The following PGBD5 variants were observed in gnomAD, a reference collection of about 807,000 sequenced individuals.
PGBD5 encodes piggyBac transposable element derived 5.
PGBD5 carries 14 observed loss-of-function variants against 47.9 expected under a neutral mutation model. That is an observed-to-expected ratio of 0.29 (90% CI 0.19 to 0.46). The LOEUF is 0.46. Ranked by LOEUF, PGBD5 falls within the 20% of genes least tolerant of loss-of-function variation. PGBD5 has a pLI of 1.00. For synonymous variants in PGBD5, 316 were observed against 306.3 expected, an observed-to-expected ratio of 1.03 and a Z score of -0.33; for missense variants, 635 against 716.0, an observed-to-expected ratio of 0.89 and a Z score of 1.29.
In PGBD5 at chr1:230,336,976, G is replaced by A. The variant is rs1033759191; in HGVS notation, c.1075+132C>T. 55 of 1,010,782 alleles carry A rather than the reference G, an allele frequency of 5.4e-5. No individual in the cohort carries two copies. In the Middle Eastern group the frequency reaches 7.3e-4, roughly 13 times the overall value. 62.6% of individuals were successfully genotyped at this position (1,010,782 alleles called of 1,614,324 possible). A position where few individuals can be genotyped will look rare whatever the true frequency, so the allele number is the denominator to read the frequency against. Reference sequence around the variant, plus strand: ...GGCTGAGACGCATCTGTTCCCTCAAGGAAGGGCCTCATCACCTGGCATCCT... The same window carrying A: ...GGCTGAGACGCATCTGTTCCCTCAAAGAAGGGCCTCATCACCTGGCATCCT... On this transcript the variant is annotated intron_variant, in intron 4 of 6. Coordinates refer to ENST00000391860, the MANE Select transcript of PGBD5 (RefSeq NM_001258311.2).
At chr1:230,399,802 T>C (rs270852) in intron 1 of PGBD5, among the ~76,000 whole-genome samples, 116,248 of 152,146 alleles carry the variant, frequency 0.76, 44,412 homozygotes, top group African/African-American at 0.78. Context: ...ATCCTTCCAA[T>C]ACTCAGTTCC....
chr1:230,332,709 G>A, intron 5 of PGBD5, 135 bp downstream of exon 5: 1 of 1,018,722 alleles, frequency 9.8e-7, no homozygotes, highest in Non-Finnish European at 1.5e-6. Flanking sequence ...CCAGATGCTG[G>A]GGAATAACCG....
At chr1:230,399,058 AG>A (rs34932608) in intron 1 of PGBD5, among the ~76,000 whole-genome samples, 3 of 151,538 alleles carry the variant, frequency 2.0e-5, no homozygotes, top group Admixed American at 6.6e-5. Flanking sequence ...CAGGTTACTA[AG>A]GGGGGGTGGC....
intron 2 of PGBD5, among the ~76,000 whole-genome samples, chr1:230,353,496 A>G (rs965298614): frequency 5.9e-5 from 9 of 152,208 alleles, no homozygotes; most frequent in Non-Finnish European, 1.2e-4. Flanking sequence ...CTCTAAGACC[A>G]AACTCGTACC....
Position 230,323,322 on chromosome 1 carries a change from A to G in PGBD5, c.*103T>C, listed in dbSNP as rs1489908708. On this transcript the variant is annotated 3_prime_UTR_variant, in exon 7 of 7. Transcript: ENST00000391860. This position sits in a 1 kb window ranked among gnomAD's most constrained non-coding sequence, Gnocchi z 4.1. The stretch of plus-strand genomic sequence containing the variant: ...CCCTGTGCATCCCTCCCAGGCAGCA[A>G]GCCACACACCAGGCCGTGTCCGGGT... The G allele has an allele frequency of 1.5e-6, 2 of 1,372,542 alleles. No homozygotes were observed. The highest frequency in any genetic ancestry group is 2.3e-5 in the East Asian group (1 of 42,606). 85.0% of individuals were successfully genotyped at this position (1,372,542 alleles called of 1,614,324 possible). A position where few individuals can be genotyped will look rare whatever the true frequency, so the allele number is the denominator to read the frequency against.
At chr1:230,418,576 C>T (rs933018101) in intron 1 of PGBD5, among the ~76,000 whole-genome samples, 1 of 152,146 alleles carries the variant, frequency 6.6e-6, no homozygotes, top group African/African-American at 2.4e-5. Flanking sequence ...GGTACAAACA[C>T]AGCTCACTGC....
At chr1:230,341,994 A>G (rs1375162200) in intron 3 of PGBD5, among the ~76,000 whole-genome samples, 1 of 152,136 alleles carries the variant, frequency 6.6e-6, no homozygotes, top group Non-Finnish European at 1.5e-5. Context: ...CATATTTTAT[A>G]CTGACATTAC....
chr1:230,404,639 T>C (rs1657253945), intron 1 of PGBD5, among the ~76,000 whole-genome samples: 1 of 144,100 alleles, frequency 6.9e-6, no homozygotes, highest in Non-Finnish European at 1.5e-5. Flanking sequence ...AATATATATA[T>C]ATATATATAT....
chr1:230,357,341 G>A lies in PGBD5; in HGVS notation c.332-20C>T. On this transcript the variant is annotated intron_variant, in intron 1 of 6. Transcript: ENST00000391860. The surrounding 1 kb of genome is among the most constrained non-coding windows in gnomAD (Gnocchi z 5.7). ...TGGGACCTGAAACCCAAAGACAGGT[G>A]GAGTGTTCCTTAGGACGGCCGCCAC... 6.2e-7 allele frequency: 1 copy of A among 1,608,150 alleles called. No homozygotes were observed. The highest frequency in any genetic ancestry group is 1.7e-5 in the Admixed American group (1 of 59,856).
chr1:230,366,604 T>A (rs1667837669), intron 1 of PGBD5, among the ~76,000 whole-genome samples: 1 of 152,206 alleles, frequency 6.6e-6, no homozygotes, highest in African/African-American at 2.4e-5. Context: ...ACTCCTGGAT[T>A]CATGAGATGT....
chr1:230,337,715 T>G (rs1262915865), intron 3 of PGBD5, among the ~76,000 whole-genome samples: 1 of 152,232 alleles, frequency 6.6e-6, no homozygotes, highest in African/African-American at 2.4e-5. Context: ...AATGACTGTT[T>G]AATTTGTTCT....
intron 1 of PGBD5, among the ~76,000 whole-genome samples, chr1:230,423,523 T>C (rs185799203): frequency 1.3e-5 from 2 of 152,314 alleles, no homozygotes; most frequent in East Asian, 3.9e-4. Context: ...TCCACACTGG[T>C]AGGCGCAAGG....
rs558615248 is a variant in PGBD5 at position 230,400,047 on chromosome 1, T to G, written c.331+25551A>C. Among the ~76,000 whole-genome samples the G allele has an allele frequency of 3.9e-5, 6 of 152,314 alleles. No homozygotes were observed. In the South Asian group the frequency reaches 1.2e-3, roughly 32 times the overall value. On this transcript the variant is annotated intron_variant, in intron 1 of 6. Coordinates refer to ENST00000391860, the MANE Select transcript of PGBD5 (RefSeq NM_001258311.2). ...AAAAATCCACCAAAGACTCCTCATCTCATTCAAAATGCAAGCCAAGTTCTT... is the reference window on the plus strand; with the variant it reads ...AAAAATCCACCAAAGACTCCTCATCGCATTCAAAATGCAAGCCAAGTTCTT...
intron 2 of PGBD5, among the ~76,000 whole-genome samples, chr1:230,352,924 G>A (rs538644388): frequency 1.5e-4 from 23 of 152,268 alleles, no homozygotes; most frequent in African/African-American, 5.1e-4. Flanking sequence ...TGAGGCCACA[G>A]CAAATGAAAA....
At chr1:230,412,153 C>T (rs1012064476) in intron 1 of PGBD5, among the ~76,000 whole-genome samples, 2 of 152,100 alleles carry the variant, frequency 1.3e-5, no homozygotes, top group African/African-American at 2.4e-5. Flanking sequence ...AAAAGGACTC[C>T]AGTCAAGAAC....
intron 1 of PGBD5, among the ~76,000 whole-genome samples, chr1:230,385,894 G>T (rs1656626314): frequency 6.6e-6 from 1 of 152,160 alleles, no homozygotes; most frequent in African/African-American, 2.4e-5. Context: ...TGCTGGACCT[G>T]CAGATTCCCA....
At chr1:230,400,056 A>C (rs1247223216) in intron 1 of PGBD5, among the ~76,000 whole-genome samples, 1 of 152,160 alleles carries the variant, frequency 6.6e-6, no homozygotes, top group Non-Finnish European at 1.5e-5. Flanking sequence ...CTCATTCAAA[A>C]TGCAAGCCAA....
At position 230,314,548 on chromosome 1, in the gene PGBD5, T is replaced by C. The variant is rs1558185918; in HGVS notation, c.*8877A>G. On this transcript the variant is annotated 3_prime_UTR_variant, in exon 7 of 7. Transcript: ENST00000391860. ...CTGTAAACAAACTTGGTTGAAGAAA[T>C]AAGAACCACATGACAAAATGCTTGA... is the stretch of plus-strand genomic sequence containing the variant. The C allele has an allele frequency of 2.1e-5, 3 of 141,128 alleles. No homozygotes were observed. The highest frequency in any genetic ancestry group is 7.7e-5 in the African/African-American group (3 of 38,944). The allele number at this position is 141,128 out of a possible 1,614,324, so 8.7% of individuals were successfully genotyped here.
chr1:230,403,068 A>T (rs1488977813), intron 1 of PGBD5, among the ~76,000 whole-genome samples: 2 of 152,194 alleles, frequency 1.3e-5, no homozygotes, highest in Non-Finnish European at 2.9e-5. Flanking sequence ...ATCAGACAAG[A>T]ACAGCTAACA....
Sources: gnomAD v4.1 joint callset for allele counts (sites outside exome capture counted in the v4.1 genomes callset) on GRCh38, gnomAD v4.1.1 for gene constraint, Gnocchi (gnomAD v3.1) non-coding constraint, MANE v1.5 for transcripts, NCBI Gene and HGNC (gene_info 2026-07-23, HGNC 2026-07-21) for gene names.